The following KNDC1 variants were observed in gnomAD, a reference collection of about 807,000 sequenced individuals.
The protein encoded by KNDC1 is kinase non-catalytic C-lobe domain-containing protein 1.
KNDC1 carries 106 observed loss-of-function variants against 172.8 expected under a neutral mutation model. That is an observed-to-expected ratio of 0.61 (90% CI 0.52 to 0.72). KNDC1 has a LOEUF of 0.72. Ranked by LOEUF, KNDC1 falls within the 30% of genes least tolerant of loss-of-function variation. The pLI is 0.00. For missense variants in KNDC1, 2,325 were observed against 2,394.5 expected, an observed-to-expected ratio of 0.97 and a Z score of 0.61; for synonymous variants, 1,083 against 1,062.2, an observed-to-expected ratio of 1.02 and a Z score of -0.38.
chr10:133,166,934 A>G (rs546146453), intron 1 of KNDC1, among the ~76,000 whole-genome samples: 4 of 152,142 alleles, frequency 2.6e-5, no homozygotes, highest in Non-Finnish European at 5.9e-5. Context: ...TGTGGTTGTA[A>G]GTCATGTGAG....
intron 29 of KNDC1, among the ~76,000 whole-genome samples, chr10:133,222,245 C>A (rs544345170): frequency 7.1e-6 from 1 of 141,696 alleles, no homozygotes; most frequent in African/African-American, 2.6e-5. Context: ...ATCGCGCCAC[C>A]GCACTCCAGC....
intron 20 of KNDC1, 91 bp from the exon 21 acceptor site, chr10:133,210,520 A>G (rs1370007228): frequency 2.6e-6 from 2 of 775,652 alleles, no homozygotes; most frequent in East Asian, 4.9e-5. Flanking sequence ...AAACGCACAC[A>G]CACATACAGT....
intron 6 of KNDC1, among the ~76,000 whole-genome samples, chr10:133,187,180 C>T (rs559475170): frequency 3.9e-5 from 6 of 152,256 alleles, no homozygotes; most frequent in African/African-American, 7.2e-5. Context: ...GCTGCCTCCG[C>T]GGGGACGCTG....
chr10:133,175,826 C>A (rs1853519361), intron 3 of KNDC1, among the ~76,000 whole-genome samples: 1 of 145,052 alleles, frequency 6.9e-6, no homozygotes. Context: ...ATGTAGATGG[C>A]TGGCTGGGTG....
rs182428505 is a variant in KNDC1, at chr10:133,209,540, G to A, written c.3795-1071G>A. ...GGCTTTGTGCATGTGTGTGGTGTGC[G>A]CGTCTGGTTGTCGAGTTCTGTGTGG... On this transcript the variant is annotated intron_variant, in intron 20 of 29. Transcript: ENST00000304613. The surrounding 1 kb of genome is among the most constrained non-coding windows in gnomAD (Gnocchi z 4.9). Among the ~76,000 whole-genome samples, 488 of 151,942 alleles carry A rather than the reference G, an allele frequency of 3.2e-3. 3 individuals are homozygous for A. Among genetic ancestry groups the A allele is most frequent in the Non-Finnish European group, 4.9e-3 (332 of 67,912 alleles).
intron 3 of KNDC1, among the ~76,000 whole-genome samples, chr10:133,170,099 G>A (rs893510342): frequency 6.6e-6 from 1 of 152,270 alleles, no homozygotes; most frequent in Non-Finnish European, 1.5e-5. Flanking sequence ...GGCACCTGCT[G>A]TGTGTTATCC....
chr10:133,183,339 C>T lies in KNDC1; in HGVS notation c.361-5C>T, dbSNP rs1234712152. On this transcript the variant is annotated splice_region_variant and splice_polypyrimidine_tract_variant and intron_variant, in intron 3 of 29. Coordinates refer to ENST00000304613, the MANE Select transcript of KNDC1 (RefSeq NM_152643.8). Reference sequence around the variant, plus strand: ...TCTGGAGCTGACAGCCTGTCGTGCCCACAGGCGCACATCTACTCTCTGGGG... The same window carrying T: ...TCTGGAGCTGACAGCCTGTCGTGCCTACAGGCGCACATCTACTCTCTGGGG... The T allele has an allele frequency of 1.9e-6, 3 of 1,587,784 alleles. No individual in the cohort carries two copies. The African/African-American group carries it at 4.0e-5, about 21-fold the overall frequency.
intron 6 of KNDC1, 133 bp downstream of exon 6, chr10:133,186,807 A>C: frequency 1.5e-6 from 1 of 674,238 alleles, no homozygotes; most frequent in Non-Finnish European, 2.4e-6. Context: ...AATTAAAGAC[A>C]TTTTCATTGA....
At chr10:133,218,360 G>T (rs1845510558) in intron 26 of KNDC1, among the ~76,000 whole-genome samples, 1 of 152,222 alleles carries the variant, frequency 6.6e-6, no homozygotes, top group Admixed American at 6.5e-5. Flanking sequence ...GGAGGAGGGG[G>T]CGGCACTCAG....
chr10:133,220,047 C>T lies in KNDC1; in HGVS notation c.4953C>T (p.His1651=), dbSNP rs370890530. 9.0e-6 allele frequency: 14 copies of T among 1,561,244 alleles called. No homozygotes were observed. The African/African-American group carries it at 1.4e-4, about 15-fold the overall frequency. The change falls in exon 29 of 30, where the codon CAC becomes CAT. Residue 1651 remains histidine, a synonymous_variant. Coordinates refer to ENST00000304613, the MANE Select transcript of KNDC1 (RefSeq NM_152643.8). ...CCTCGGCCCACCTCCTGGCCATGCA[C>T]ATCCAGCAGCTGGAGACAGGCGGCT... ...TLPSAHLLAM[H]IQQLETGGFT...
chr10:133,224,963 C>T lies in KNDC1; in HGVS notation c.*73C>T, dbSNP rs570787617. On this transcript the variant is annotated 3_prime_UTR_variant, in exon 30 of 30. Coordinates refer to ENST00000304613, the MANE Select transcript of KNDC1 (RefSeq NM_152643.8). The surrounding 1 kb of genome is among the most constrained non-coding windows in gnomAD (Gnocchi z 5.4). ...GGGGCGGGCTGGGAGGTGGGAGCCG[C>T]GTCTCAGGCCCGGCCGTTATCAAGG... 5 of 1,231,864 alleles carry T rather than the reference C, an allele frequency of 4.1e-6. No homozygotes were observed. The highest frequency in any genetic ancestry group is 5.0e-5 in the East Asian group (2 of 40,106). 76.3% of individuals were successfully genotyped at this position (1,231,864 alleles called of 1,614,324 possible). A position where few individuals can be genotyped will look rare whatever the true frequency, so the allele number is the denominator to read the frequency against.
At chr10:133,166,119 G>T (rs1853142457) in intron 1 of KNDC1, among the ~76,000 whole-genome samples, 1 of 152,224 alleles carries the variant, frequency 6.6e-6, no homozygotes. Flanking sequence ...GCCAGCCGCT[G>T]GGGCAGGGTA....
At chr10:133,222,490 GGT>G (rs372988806) in intron 29 of KNDC1, among the ~76,000 whole-genome samples, 1,466 of 21,976 alleles carry the variant, frequency 0.067, 138 homozygotes, top group African/African-American at 0.17. Flanking sequence ...TGCTCTTCCC[GGT>G]GTGTGTGTGT....
Position 133,209,974 on chromosome 10 carries a change from C to A in KNDC1, c.3795-637C>A, listed in dbSNP as rs909349607. Among the ~76,000 whole-genome samples the A allele has an allele frequency of 2.6e-5, 4 of 152,146 alleles. No homozygotes were observed. The highest frequency in any genetic ancestry group is 5.9e-5 in the Non-Finnish European group (4 of 68,018). Reference sequence around the variant, plus strand: ...GGTTTCACCCAGTGAAGACCCAGAACCTTTGAGCGTGCAGCATTGCGCCCG... The same window carrying A: ...GGTTTCACCCAGTGAAGACCCAGAAACTTTGAGCGTGCAGCATTGCGCCCG... On this transcript the variant is annotated intron_variant, in intron 20 of 29. Coordinates refer to ENST00000304613, the MANE Select transcript of KNDC1 (RefSeq NM_152643.8). The surrounding 1 kb of genome is among the most constrained non-coding windows in gnomAD (Gnocchi z 4.9).
rs1018454452 is a variant in KNDC1, at chr10:133,211,494, G to A, written c.3981G>A (p.Val1327=). Residue 1327 remains valine, a synonymous_variant, in exon 22 of 30, where the codon GTG becomes GTA. Coordinates refer to ENST00000304613, the MANE Select transcript of KNDC1 (RefSeq NM_152643.8). ...RRSLCVLQAW[V]EDCYAVDFPR... is the part of the protein sequence containing the mutation. ...GCCTCTGCGTCCTGCAGGCCTGGGTGGAGGACTGCTACGCTGTGGACTTCC... is the reference window on the plus strand; with the variant it reads ...GCCTCTGCGTCCTGCAGGCCTGGGTAGAGGACTGCTACGCTGTGGACTTCC... The A allele has an allele frequency of 5.6e-6, 9 of 1,613,956 alleles. No individual in the cohort carries two copies. The highest frequency in any genetic ancestry group is 6.8e-6 in the Non-Finnish European group (8 of 1,179,874).
chr10:133,197,374 CA>C (rs1854223557), intron 11 of KNDC1, among the ~76,000 whole-genome samples: 1 of 152,164 alleles, frequency 6.6e-6, no homozygotes, highest in African/African-American at 2.4e-5. Flanking sequence ...GACGGCGGCC[CA>C]GCACCCACCC....
Position 133,198,683 on chromosome 10 carries a change from C to G in KNDC1, c.2175C>G (p.Ser725Arg), listed in dbSNP as rs1485404247. 1 of 1,584,150 alleles carries G rather than the reference C, an allele frequency of 6.3e-7. No individual in the cohort carries two copies. The highest frequency in any genetic ancestry group is 1.8e-5 in the Admixed American group (1 of 54,666). Residue 725 changes from serine (S) to arginine (R), a missense_variant, in exon 14 of 30, where the codon AGC becomes AGG. Ser to Arg is a moderately radical substitution (Grantham distance 110). Transcript: ENST00000304613. ...TGGAGGCCCACGCTGGGTCCCCCAG[C>G]CTGAAGACGCCTGACGGGCCGGTGC... ...LSLEAHAGSP[S>R]LKTPDGPVPG...
intron 26 of KNDC1, among the ~76,000 whole-genome samples, chr10:133,216,006 T>C (rs1014278482): frequency 2.0e-5 from 3 of 152,258 alleles, no homozygotes; most frequent in African/African-American, 7.2e-5. Flanking sequence ...CGCTCGTCCA[T>C]CTAACAAGTG....
intron 21 of KNDC1, among the ~76,000 whole-genome samples, chr10:133,211,004 C>A (rs964346659): frequency 2.6e-5 from 4 of 151,972 alleles, no homozygotes; most frequent in Non-Finnish European, 5.9e-5. Context: ...GGGAGGAAAG[C>A]GGAGGGCAGG....
Sources: allele counts gnomAD v4.1 joint callset (sites outside exome capture counted in the v4.1 genomes callset), GRCh38; gene constraint gnomAD v4.1.1; non-coding constraint Gnocchi (gnomAD v3.1); transcripts MANE v1.5; gene names NCBI Gene and HGNC (gene_info 2026-07-23, HGNC 2026-07-21).